The following ZNF142 variants were observed in gnomAD, a reference collection of about 807,000 sequenced individuals.
ZNF142 encodes the protein zinc finger protein 142, also known as zinc finger protein 142 (clone pHZ-49).
A neutral mutation model predicts 132.1 loss-of-function variants in ZNF142; 96 were observed. The observed-to-expected ratio is 0.73, with a 90% CI of 0.62 to 0.86. ZNF142 has a LOEUF of 0.86. Ranked by LOEUF, ZNF142 falls within the 40% of genes least tolerant of loss-of-function variation. ZNF142 has a pLI of 0.00. For synonymous variants in ZNF142, 842 were observed against 890.1 expected, an observed-to-expected ratio of 0.95 and a Z score of 0.96; for missense variants, 2,163 against 2,336.2, an observed-to-expected ratio of 0.93 and a Z score of 1.53.
Position 218,635,637 on chromosome 2 carries a change from G to A in ZNF142, c.*2702C>T, listed in dbSNP as rs564295622. On this transcript the variant is annotated 3_prime_UTR_variant, in exon 11 of 11. Coordinates refer to ENST00000411696, the MANE Select transcript of ZNF142 (RefSeq NM_001379659.1). ...TGTGAGCCACCGTGCCCGGCCTTTG[G>A]GTGCATTTTAAATTGCAGATAGAAT... Among the ~76,000 whole-genome samples the A allele has an allele frequency of 6.6e-6, 1 of 152,230 alleles. No individual in the cohort carries two copies. The highest frequency in any genetic ancestry group is 2.1e-4 in the South Asian group (1 of 4,818).
intron 10 of ZNF142, 38 bp from the exon 11 acceptor site, chr2:218,638,846 G>A: frequency 6.6e-7 from 1 of 1,513,658 alleles, no homozygotes; most frequent in Non-Finnish European, 8.9e-7. Context: ...GAAAGGCGGT[G>A]GAGCAAGGTT....
rs746140602 is a variant in ZNF142, at chr2:218,635,750, G to A, written c.*2589C>T. ...GGGGTTGGGAGTAGGGTCGGGTGGGGCTGGGCTGAGCAGGAACTTGTGAGA... is the reference window on the plus strand; with the variant it reads ...GGGGTTGGGAGTAGGGTCGGGTGGGACTGGGCTGAGCAGGAACTTGTGAGA... On this transcript the variant is annotated 3_prime_UTR_variant, in exon 11 of 11. Coordinates refer to ENST00000411696, the MANE Select transcript of ZNF142 (RefSeq NM_001379659.1). 1.3e-6 allele frequency: 2 copies of A among 1,590,460 alleles called. No individual in the cohort carries two copies. The highest frequency in any genetic ancestry group is 1.7e-6 in the Non-Finnish European group (2 of 1,168,378).
Position 218,649,147 on chromosome 2 carries a change from G to A in ZNF142, c.1361C>T (p.Ala454Val). 11 of 1,614,172 alleles carry A rather than the reference G, an allele frequency of 6.8e-6. No homozygotes were observed. Among genetic ancestry groups the A allele is most frequent in the Non-Finnish European group, 8.5e-6 (10 of 1,180,034 alleles). The change falls in exon 7 of 11, where the codon GCC becomes GTC. Residue 454 changes from alanine to valine, a missense_variant. Transcript: ENST00000411696. ...GAATTCCTCACGGCAGACAGGACAG[G>A]CATAGGTGTCTGAGTAGAAGTTGGA... is the stretch of plus-strand genomic sequence containing the variant. ...DISNFYSDTY[A>V]CPVCREEFRL...
intron 4 of ZNF142, among the ~76,000 whole-genome samples, chr2:218,652,882 GACT>G (rs1938140651): frequency 6.6e-6 from 1 of 152,044 alleles, no homozygotes; most frequent in Non-Finnish European, 1.5e-5. Flanking sequence ...ACGAGATTAA[GACT>G]ACTATGTTTA....
rs760250710 is a variant in ZNF142, at chr2:218,633,720, C to A, written c.*4619G>T. The A allele has an allele frequency of 2.3e-4, 379 of 1,613,854 alleles. No individual in the cohort carries two copies. The highest frequency in any genetic ancestry group is 3.1e-4 in the Non-Finnish European group (367 of 1,179,888). ...CACTACCACTTCTACGAGATATCAT[C>A]TTTCTCTGAAACCAAGGCCAAGCGC... is the stretch of plus-strand genomic sequence containing the variant. On this transcript the variant is annotated 3_prime_UTR_variant, in exon 11 of 11. Transcript: ENST00000411696.
chr2:218,657,738 C>T (rs1009170694), intron 3 of ZNF142, among the ~76,000 whole-genome samples: 2 of 151,886 alleles, frequency 1.3e-5, no homozygotes, highest in African/African-American at 4.8e-5. Context: ...CCTGGCTTCC[C>T]GAAACTCTTA....
chr2:218,633,370 C>T lies in ZNF142; in HGVS notation c.*4969G>A, dbSNP rs1696499367. ...CAGTACATGCAGACCGCCTTTATTC[C>T]CATTCCCACCCCCAGGTTGTGACGT... On this transcript the variant is annotated 3_prime_UTR_variant, in exon 11 of 11. Coordinates refer to ENST00000411696, the MANE Select transcript of ZNF142 (RefSeq NM_001379659.1). 5 of 704,612 alleles carry T rather than the reference C, an allele frequency of 7.1e-6. No individual in the cohort carries two copies. Among genetic ancestry groups the T allele is most frequent in the South Asian group, 1.5e-5 (1 of 67,626 alleles). The allele number at this position is 704,612 out of a possible 1,614,324, so 43.6% of individuals were successfully genotyped here.
chr2:218,656,974 C>A (rs1164492847), intron 3 of ZNF142, among the ~76,000 whole-genome samples: 1 of 152,012 alleles, frequency 6.6e-6, no homozygotes, highest in Non-Finnish European at 1.5e-5. Flanking sequence ...GTGCCACACA[C>A]GCCCAGGTAA....
At chr2:218,646,053 T>A in intron 8 of ZNF142, 118 bp downstream of exon 8, 1 of 1,396,362 alleles carries the variant, frequency 7.2e-7, no homozygotes, top group South Asian at 1.3e-5. Context: ...GCACCCGGCC[T>A]TAGGAGGAGA....
In ZNF142 at chr2:218,633,636, C is replaced by A. The variant is rs1696524388; in HGVS notation, c.*4703G>T. ...AAGCCCATCTTGTGTCCAGCCCTCT[C>A]TTCCCTGGTTATCTACTTGAAGTCT... On this transcript the variant is annotated 3_prime_UTR_variant, in exon 11 of 11. Transcript: ENST00000411696. The A allele has an allele frequency of 6.2e-7, 1 of 1,613,726 alleles. No homozygotes were observed. Among genetic ancestry groups the A allele is most frequent in the Non-Finnish European group, 8.5e-7 (1 of 1,179,608 alleles).
At chr2:218,640,270 A>G (rs1053009375) in intron 10 of ZNF142, among the ~76,000 whole-genome samples, 1 of 152,104 alleles carries the variant, frequency 6.6e-6, no homozygotes, top group African/African-American at 2.4e-5. Context: ...GGAGAAGAAA[A>G]GGACAGACTA....
Position 218,633,849 on chromosome 2 carries a change from A to G in ZNF142, c.*4490T>C, listed in dbSNP as rs1000996131. 6.7e-7 allele frequency: 1 copy of G among 1,481,920 alleles called. No homozygotes were observed. The highest frequency in any genetic ancestry group is 1.4e-5 in the African/African-American group (1 of 72,282). The allele number at this position is 1,481,920 out of a possible 1,614,324, so 91.8% of individuals were successfully genotyped here. ...TGGCAGGTAAGTCCCAAGAAAAAAG[A>G]CAAGGTAGCTAAGGAGAGATGAAGG... On this transcript the variant is annotated 3_prime_UTR_variant, in exon 11 of 11. Coordinates refer to ENST00000411696, the MANE Select transcript of ZNF142 (RefSeq NM_001379659.1).
chr2:218,659,440 T>G lies in ZNF142; in HGVS notation c.-433A>C, dbSNP rs1419733485. ...GGCTGGAACGGCCCCCGGGGCCCGC[T>G]TTGTGCGACCGCCTCCGGCTCAGCC... On this transcript the variant is annotated 5_prime_UTR_variant, in exon 1 of 11. Coordinates refer to ENST00000411696, the MANE Select transcript of ZNF142 (RefSeq NM_001379659.1). The surrounding 1 kb of genome is among the most constrained non-coding windows in gnomAD (Gnocchi z 4.4). The G allele has an allele frequency of 1.3e-5, 2 of 152,194 alleles. No individual in the cohort carries two copies. The highest frequency in any genetic ancestry group is 2.9e-5 in the Non-Finnish European group (2 of 68,072). The allele number at this position is 152,194 out of a possible 1,614,324, so 9.4% of individuals were successfully genotyped here.
intron 5 of ZNF142, 117 bp from the exon 6 acceptor site, chr2:218,650,643 T>A (rs1190165386): frequency 1.2e-5 from 13 of 1,048,400 alleles, no homozygotes; most frequent in Non-Finnish European, 1.6e-5. Context: ...CATAAGGAGA[T>A]CTTGGGTTTT....
rs1336543148 is a variant in ZNF142, at chr2:218,643,211, G to A, written c.3905C>T (p.Ala1302Val). Reference sequence around the variant, plus strand: ...GGGACATGTAGGGCAGGAGAAGCGAGCCCCCTTCTGCTTTTGAACCAGAAC... The same window carrying A: ...GGGACATGTAGGGCAGGAGAAGCGAACCCCCTTCTGCTTTTGAACCAGAAC... ...DTVLVQKQKGARFSCPTCPFS... is the reference protein window; with the variant it reads ...DTVLVQKQKGVRFSCPTCPFS... Residue 1302 changes from alanine (A) to valine (V), a missense_variant, in exon 9 of 11, where the codon GCT becomes GTT. Transcript: ENST00000411696. 1.2e-6 allele frequency: 2 copies of A among 1,614,230 alleles called. No homozygotes were observed. Among genetic ancestry groups the A allele is most frequent in the African/African-American group, 1.3e-5 (1 of 75,052 alleles).
chr2:218,639,260 C>T (rs1209237195), intron 10 of ZNF142, among the ~76,000 whole-genome samples: 4 of 152,202 alleles, frequency 2.6e-5, no homozygotes, highest in Non-Finnish European at 4.4e-5. Context: ...CATGAGCCAC[C>T]GCGCCTGGCC....
At position 218,642,824 on chromosome 2, in the gene ZNF142, C is replaced by T. The variant is rs1316156181; in HGVS notation, c.4292G>A (p.Ser1431Asn). Residue 1431 changes from serine to asparagine, a missense_variant, in exon 9 of 11, where the codon AGC becomes AAC. Transcript: ENST00000411696. The surrounding 1 kb of genome is among the most constrained non-coding windows in gnomAD (Gnocchi z 4.6). ...RHTGIGRIPC[S>N]SCPQTFGTNS... Reference sequence around the variant, plus strand: ...GGTACCAAACGTCTGGGGGCAAGAGCTGCAGGGGATGCGGCCAATGCCTGT... The same window carrying T: ...GGTACCAAACGTCTGGGGGCAAGAGTTGCAGGGGATGCGGCCAATGCCTGT... 1.2e-6 allele frequency: 2 copies of T among 1,614,072 alleles called. No individual in the cohort carries two copies. The highest frequency in any genetic ancestry group is 3.3e-5 in the Admixed American group (2 of 60,012).
Position 218,648,876 on chromosome 2 carries a change from G to A in ZNF142, c.1632C>T (p.His544=). ...EAHHKSHYAF[H]CPHCDFACSN... ...AACAAGCAAAATCACAGTGGGGGCA[G>A]TGGAAGGCGTAGTGACTCTTGTGGT... is the stretch of plus-strand genomic sequence containing the variant. The change falls in exon 7 of 11, where the codon CAC becomes CAT. Residue 544 remains histidine, a synonymous_variant. Coordinates refer to ENST00000411696, the MANE Select transcript of ZNF142 (RefSeq NM_001379659.1). 2 of 1,614,258 alleles carry A rather than the reference G, an allele frequency of 1.2e-6. No individual in the cohort carries two copies. Among genetic ancestry groups the A allele is most frequent in the South Asian group, 2.2e-5 (2 of 91,090 alleles).
At chr2:218,649,549 C>T (rs763212557) in intron 6 of ZNF142, 90 bp from the exon 7 acceptor site, 28 of 1,212,852 alleles carry the variant, frequency 2.3e-5, no homozygotes, top group South Asian at 1.3e-4. Flanking sequence ...CAGACACAAA[C>T]GATGTGTGGC....
Sources: gnomAD v4.1 joint callset for allele counts (sites outside exome capture counted in the v4.1 genomes callset) on GRCh38, gnomAD v4.1.1 for gene constraint, Gnocchi (gnomAD v3.1) non-coding constraint, MANE v1.5 for transcripts, NCBI Gene and HGNC (gene_info 2026-07-23, HGNC 2026-07-21) for gene names.